Variants in BCAS3 observed in about 807,000 individuals in gnomAD.
BCAS3 encodes the protein BCAS3 microtubule associated cell migration factor.
Under a neutral mutation model 116.1 loss-of-function variants are expected in BCAS3, and 53 were observed. That is an observed-to-expected ratio of 0.46 (90% CI 0.37 to 0.57). The LOEUF is 0.57. Among genes scored for constraint, BCAS3 ranks in the 20% least tolerant of loss-of-function variants. The probability of loss-of-function intolerance (pLI) is 0.00; values close to 1 mark genes in which losing one functional copy is unlikely to be tolerated. For missense variants in BCAS3, 917 were observed against 1,165.4 expected, an observed-to-expected ratio of 0.79 and a Z score of 3.10; for synonymous variants, 391 against 408.2, an observed-to-expected ratio of 0.96 and a Z score of 0.51.
Position 60,769,270 on chromosome 17 carries a change from G to T in BCAS3, c.403+21991G>T, listed in dbSNP as rs181622204. On this transcript the variant is annotated intron_variant, in intron 6 of 23. Transcript: ENST00000407086. ...ATGGTCCCTAGCCCACTGGTGGAATGCTCAGGTGTTGGCAGTGGTGTCTTT... is the reference window on the plus strand; with the variant it reads ...ATGGTCCCTAGCCCACTGGTGGAATTCTCAGGTGTTGGCAGTGGTGTCTTT... 5.3e-5 allele frequency among the ~76,000 whole-genome samples: 8 copies of T among 152,306 alleles called. 1 individual carries two copies. The highest frequency in any genetic ancestry group is 2.6e-4 in the Admixed American group (4 of 15,300).
In BCAS3 at chr17:61,136,477, G is replaced by A. The variant is rs1339422005; in HGVS notation, c.2425+51913G>A. ...TATAGGATGTTTAGCAGAACCCCTGGCCTCTACCCGTTAGATAGCAGCACG... is the reference window on the plus strand; with the variant it reads ...TATAGGATGTTTAGCAGAACCCCTGACCTCTACCCGTTAGATAGCAGCACG... On this transcript the variant is annotated intron_variant, in intron 22 of 23. Transcript: ENST00000407086. This position sits in a 1 kb window ranked among gnomAD's most constrained non-coding sequence, Gnocchi z 4.4. Among the ~76,000 whole-genome samples, 1 of 152,142 alleles carries A rather than the reference G, an allele frequency of 6.6e-6. No homozygotes were observed. The highest frequency in any genetic ancestry group is 2.4e-5 in the African/African-American group (1 of 41,420).
In BCAS3 at chr17:61,337,830, G is replaced by A. The variant is rs757222584; in HGVS notation, c.2426-30497G>A. 3.9e-5 allele frequency among the ~76,000 whole-genome samples: 6 copies of A among 152,164 alleles called. No homozygotes were observed. The highest frequency in any genetic ancestry group is 7.3e-5 in the Non-Finnish European group (5 of 68,036). On this transcript the variant is annotated intron_variant, in intron 22 of 23. Transcript: ENST00000407086. The surrounding 1 kb of genome is among the most constrained non-coding windows in gnomAD (Gnocchi z 4.8). ...AAAGCCTCCTTGTTATGGAGAATTT[G>A]TGGTGTGCCTGTGAATATTTCCACC...
chr17:61,045,886 A>ATATATATAATATATATAAATATATATT, intron 19 of BCAS3, among the ~76,000 whole-genome samples: 1 of 36,032 alleles, frequency 2.8e-5, no homozygotes, highest in African/African-American at 4.3e-4. Context: ...AATATATATT[A>ATATATATAATATATATAAATATATATT]TATATATAAT....
In BCAS3 at chr17:61,128,925, G is replaced by C. The variant is rs2076187175; in HGVS notation, c.2425+44361G>C. On this transcript the variant is annotated intron_variant, in intron 22 of 23. Coordinates refer to ENST00000407086, the MANE Select transcript of BCAS3 (RefSeq NM_017679.5). The surrounding 1 kb of genome is among the most constrained non-coding windows in gnomAD (Gnocchi z 4.1). ...CTTCCTAAGTCACTTCCGGATGTCA[G>C]GCCTAAGGTGGAGAGGGGGACAGGG... Among the ~76,000 whole-genome samples the C allele has an allele frequency of 6.6e-6, 1 of 152,184 alleles. No individual in the cohort carries two copies.
intron 22 of BCAS3, among the ~76,000 whole-genome samples, chr17:61,345,172 C>A (rs927480601): frequency 2.0e-5 from 3 of 152,192 alleles, no homozygotes; most frequent in African/African-American, 7.2e-5. Context: ...CAGAGGGAAA[C>A]TAAAGCCGGG....
rs2048400347 is a variant in BCAS3 at position 61,251,977 on chromosome 17, G to A, written c.2426-116350G>A. ...CAGTTTAGAAGAAAAAGAGAGAAAA[G>A]GATAAAGAAAAAAACTAATAAAAAT... is the stretch of plus-strand genomic sequence containing the variant. On this transcript the variant is annotated intron_variant, in intron 22 of 23. Coordinates refer to ENST00000407086, the MANE Select transcript of BCAS3 (RefSeq NM_017679.5). This position sits in a 1 kb window ranked among gnomAD's most constrained non-coding sequence, Gnocchi z 4.7. 6.6e-6 allele frequency among the ~76,000 whole-genome samples: 1 copy of A among 151,812 alleles called. No individual in the cohort carries two copies. The highest frequency in any genetic ancestry group is 6.6e-5 in the Admixed American group (1 of 15,254).
intron 16 of BCAS3, chr17:61,027,493 A>G (rs2066337483): frequency 2.6e-6 from 1 of 387,586 alleles, no homozygotes; most frequent in African/African-American, 2.1e-5. Flanking sequence ...TAGCTTAATT[A>G]TTTGGTAAAT....
intron 19 of BCAS3, among the ~76,000 whole-genome samples, chr17:61,053,556 C>A (rs1030363127): frequency 2.6e-5 from 4 of 152,216 alleles, no homozygotes; most frequent in African/African-American, 7.2e-5. Context: ...TTATGAGCTG[C>A]TCCCTTTCAA....
rs562277004 is a variant in BCAS3, at chr17:61,381,203, G to A, written c.2594-10774G>A. Among the ~76,000 whole-genome samples, 1 of 152,276 alleles carries A rather than the reference G, an allele frequency of 6.6e-6. No homozygotes were observed. Among genetic ancestry groups the A allele is most frequent in the South Asian group, 2.1e-4 (1 of 4,814 alleles). On this transcript the variant is annotated intron_variant, in intron 23 of 23. Coordinates refer to ENST00000407086, the MANE Select transcript of BCAS3 (RefSeq NM_017679.5). The surrounding 1 kb of genome is among the most constrained non-coding windows in gnomAD (Gnocchi z 6.0). ...TGCACTTCCACCCGACAGGCAAATCGATATCTTAATACACCAAAGTGGAAT... is the reference window on the plus strand; with the variant it reads ...TGCACTTCCACCCGACAGGCAAATCAATATCTTAATACACCAAAGTGGAAT...
intron 5 of BCAS3, among the ~76,000 whole-genome samples, chr17:60,710,506 A>C (rs2037738826): frequency 6.8e-6 from 1 of 146,818 alleles, no homozygotes; most frequent in African/African-American, 2.5e-5. Context: ...ATCTCGGCTC[A>C]CTGCAAGCTC....
At chr17:60,924,074 C>T (rs145997943) in intron 12 of BCAS3, among the ~76,000 whole-genome samples, 50 of 152,156 alleles carry the variant, frequency 3.3e-4, no homozygotes, top group African/African-American at 1.0e-3. Context: ...TTGGATAAAG[C>T]GCTAAGTGAT....
chr17:60,822,767 G>T (rs183722138), intron 7 of BCAS3, among the ~76,000 whole-genome samples: 1 of 152,284 alleles, frequency 6.6e-6, no homozygotes, highest in East Asian at 1.9e-4. Context: ...CCTCTCACTT[G>T]AATCTGAGCT....
chr17:61,121,860 G>T (rs1383714446), intron 22 of BCAS3, among the ~76,000 whole-genome samples: 1 of 152,134 alleles, frequency 6.6e-6, no homozygotes, highest in Non-Finnish European at 1.5e-5. Flanking sequence ...CTCCCAAGTG[G>T]CTGGGATTAC....
intron 6 of BCAS3, among the ~76,000 whole-genome samples, chr17:60,753,734 C>G (rs1470701521): frequency 6.6e-6 from 1 of 152,072 alleles, no homozygotes. Flanking sequence ...ATTACATTTT[C>G]CATATTGTTG....
At chr17:60,987,693 C>T (rs1459422964) in intron 14 of BCAS3, among the ~76,000 whole-genome samples, 1 of 152,020 alleles carries the variant, frequency 6.6e-6, no homozygotes, top group Non-Finnish European at 1.5e-5. Flanking sequence ...ATCCTGCAAC[C>T]TTACTGAATT....
rs752810012 is a variant in BCAS3 at position 61,382,060 on chromosome 17, G to A, written c.2594-9917G>A. Among the ~76,000 whole-genome samples the A allele has an allele frequency of 5.7e-4, 86 of 152,042 alleles. 1 individual carries two copies. Among genetic ancestry groups the A allele is most frequent in the Admixed American group, 9.8e-4 (15 of 15,290 alleles). The stretch of plus-strand genomic sequence containing the variant: ...ATAAAGCCTGGGGCCGGGCGCGGTG[G>A]CTCACGCTTATAATCCCAGGACTTT... On this transcript the variant is annotated intron_variant, in intron 23 of 23. Coordinates refer to ENST00000407086, the MANE Select transcript of BCAS3 (RefSeq NM_017679.5).
At chr17:60,814,103 A>G (rs1217950385) in intron 7 of BCAS3, among the ~76,000 whole-genome samples, 1 of 152,156 alleles carries the variant, frequency 6.6e-6, no homozygotes, top group African/African-American at 2.4e-5. Context: ...TATTAAATCT[A>G]TAGATTGCTT....
chr17:60,753,520 C>T (rs1396979555), intron 6 of BCAS3, among the ~76,000 whole-genome samples: 1 of 151,852 alleles, frequency 6.6e-6, no homozygotes, highest in Non-Finnish European at 1.5e-5. Flanking sequence ...CGCCATTCTC[C>T]TGCCTCAACC....
chr17:60,690,188 G>T (rs2143854060), intron 4 of BCAS3, among the ~76,000 whole-genome samples: 1 of 152,202 alleles, frequency 6.6e-6, no homozygotes, highest in South Asian at 2.1e-4. Flanking sequence ...TACAGTATTT[G>T]CCTTTTTGTA....
Sources: allele counts gnomAD v4.1 joint callset (sites outside exome capture counted in the v4.1 genomes callset), GRCh38; gene constraint gnomAD v4.1.1; non-coding constraint Gnocchi (gnomAD v3.1); transcripts MANE v1.5; gene names NCBI Gene and HGNC (gene_info 2026-07-23, HGNC 2026-07-21).